The following PRR16 variants were observed in gnomAD, a reference collection of about 807,000 sequenced individuals.
The protein encoded by PRR16 is proline rich 16.
PRR16 carries 6 observed loss-of-function variants against 18.2 expected under a neutral mutation model. The ratio of observed to expected loss-of-function variants is 0.33; its 90% CI spans 0.18 to 0.65. PRR16 has a LOEUF of 0.65. Ranked by LOEUF, PRR16 falls within the 30% of genes least tolerant of loss-of-function variation. The probability of loss-of-function intolerance (pLI) is 0.74; values close to 1 mark genes in which losing one functional copy is unlikely to be tolerated. For synonymous variants in PRR16, 151 were observed against 147.8 expected (o/e 1.02, Z -0.16); for missense variants, 412 against 376.6 (o/e 1.09, Z -0.78).
intron 1 of PRR16, among the ~76,000 whole-genome samples, chr5:120,570,672 A>C (rs1343326996): frequency 6.6e-6 from 1 of 152,174 alleles, no homozygotes; most frequent in Non-Finnish European, 1.5e-5. Flanking sequence ...ACAATAGTGC[A>C]TTAAGTACTT....
chr5:120,570,847 A>G (rs1752883320), intron 1 of PRR16, among the ~76,000 whole-genome samples: 1 of 152,174 alleles, frequency 6.6e-6, no homozygotes, highest in Non-Finnish European at 1.5e-5. Context: ...AGGTTTAAAT[A>G]TATATAGTTT....
chr5:120,691,876 C>G (rs1202058751), downstream of PRR16, among the ~76,000 whole-genome samples: 1 of 152,194 alleles, frequency 6.6e-6, no homozygotes, highest in East Asian at 1.9e-4. Context: ...TCTAAACACT[C>G]TTCGAAGGGT....
intron 1 of PRR16, among the ~76,000 whole-genome samples, chr5:120,665,122 T>C (rs1211514567): frequency 1.6e-5 from 2 of 121,420 alleles, no homozygotes; most frequent in Non-Finnish European, 3.8e-5. Context: ...GCACCTGTTG[T>C]TTCCTGACTT....
intron 1 of PRR16, among the ~76,000 whole-genome samples, chr5:120,672,264 G>GTGTGTGTA (rs1240892747): frequency 1.3e-5 from 2 of 150,942 alleles, no homozygotes; most frequent in Non-Finnish European, 3.0e-5. Context: ...GTGTGTGTGT[G>GTGTGTGTA]TGTGTGTGTG....
chr5:120,565,676 A>G (rs2112725317), intron 1 of PRR16, among the ~76,000 whole-genome samples: 1 of 152,328 alleles, frequency 6.6e-6, no homozygotes, highest in East Asian at 1.9e-4. Flanking sequence ...AATACATGCT[A>G]CTAAAAGACT....
the PRR16 span, among the ~76,000 whole-genome samples, chr5:120,783,111 G>T: frequency 6.6e-6 from 1 of 152,054 alleles, no homozygotes. Context: ...AATCACAATT[G>T]CATTTTAGAA....
chr5:120,553,693 CG>C lies in PRR16; in HGVS notation c.159+89049del, dbSNP rs200627442. ...TACTAACACATACAGACATAATAAC[CG>C]TCTTTCATTCCGCAATTCTGATTGT... On this transcript the variant is annotated intron_variant, in intron 1 of 1. Transcript: ENST00000407149. 7.3e-3 allele frequency among the ~76,000 whole-genome samples: 1,104 copies of C among 151,878 alleles called. 16 individuals carry two copies. The highest frequency in any genetic ancestry group is 0.025 in the African/African-American group (1,021 of 41,492).
At chr5:120,602,530 T>C (rs566134301) in intron 1 of PRR16, among the ~76,000 whole-genome samples, 78 of 152,272 alleles carry the variant, frequency 5.1e-4, no homozygotes, top group African/African-American at 1.7e-3. Context: ...TTTGACTTCC[T>C]CTTTTCCTAT....
At chr5:120,780,173 C>T in the PRR16 span, among the ~76,000 whole-genome samples, 1 of 152,234 alleles carries the variant, frequency 6.6e-6, no homozygotes, top group South Asian at 2.1e-4. Context: ...TTATGAGCCC[C>T]AGACTCCAAA....
At chr5:120,656,456 G>T in intron 1 of PRR16, among the ~76,000 whole-genome samples, 1 of 118,720 alleles carries the variant, frequency 8.4e-6, no homozygotes, top group South Asian at 2.8e-4. Flanking sequence ...TCTAACAGTA[G>T]TAATCACTCT....
chr5:120,489,764 T>A (rs1487188334), intron 1 of PRR16, among the ~76,000 whole-genome samples: 1 of 152,190 alleles, frequency 6.6e-6, no homozygotes, highest in Non-Finnish European at 1.5e-5. Context: ...TCTTTACAAT[T>A]TGGCATGTTT....
intron 1 of PRR16, among the ~76,000 whole-genome samples, chr5:120,547,550 T>A (rs1452355992): frequency 6.7e-6 from 1 of 148,982 alleles, no homozygotes; most frequent in Non-Finnish European, 1.5e-5. Flanking sequence ...CTCATTTCGA[T>A]GCATTTTCAT....
intron 1 of PRR16, among the ~76,000 whole-genome samples, chr5:120,572,314 T>C (rs565359389): frequency 6.6e-6 from 1 of 152,272 alleles, no homozygotes; most frequent in East Asian, 1.9e-4. Flanking sequence ...AAGAAGTGGT[T>C]AAATTCCAGT....
chr5:120,785,289 C>G, the PRR16 span, among the ~76,000 whole-genome samples: 1 of 152,048 alleles, frequency 6.6e-6, no homozygotes, highest in East Asian at 1.9e-4. Flanking sequence ...GAGAGTTATC[C>G]TGGCTGACAC....
At position 120,645,965 on chromosome 5, in the gene PRR16, G is replaced by A. The variant is rs568568752; in HGVS notation, c.160-39989G>A. Among the ~76,000 whole-genome samples, 9 of 150,394 alleles carry A rather than the reference G, an allele frequency of 6.0e-5. No homozygotes were observed. The South Asian group carries it at 1.9e-3, about 32-fold the overall frequency. Reference sequence around the variant, plus strand: ...ATTGCCCAATATGAGGATCATAATTGATTGGAGCTGATCAATTGATCAATG... The same window carrying A: ...ATTGCCCAATATGAGGATCATAATTAATTGGAGCTGATCAATTGATCAATG... On this transcript the variant is annotated intron_variant, in intron 1 of 1. Coordinates refer to ENST00000407149, the MANE Select transcript of PRR16 (RefSeq NM_001300783.2).
At chr5:120,582,095 T>C (rs1385231705) in intron 1 of PRR16, among the ~76,000 whole-genome samples, 1 of 152,104 alleles carries the variant, frequency 6.6e-6, no homozygotes, top group African/African-American at 2.4e-5. Context: ...GAAAATGTGG[T>C]ATATATAAAA....
chr5:120,503,498 G>C (rs1274719982), intron 1 of PRR16, among the ~76,000 whole-genome samples: 2 of 152,088 alleles, frequency 1.3e-5, no homozygotes, highest in Non-Finnish European at 2.9e-5. Flanking sequence ...GAATTTTTCT[G>C]ACCTATTGTG....
chr5:120,589,170 C>G (rs889933534), intron 1 of PRR16, among the ~76,000 whole-genome samples: 1 of 152,002 alleles, frequency 6.6e-6, no homozygotes, highest in Non-Finnish European at 1.5e-5. Flanking sequence ...GCTCATTAAC[C>G]TGATTTTCAA....
the PRR16 span, among the ~76,000 whole-genome samples, chr5:120,732,773 T>A: frequency 6.6e-6 from 1 of 152,128 alleles, no homozygotes; most frequent in African/African-American, 2.4e-5. Flanking sequence ...CTGTTTGCAA[T>A]CTAGACCAGT....
Sources: gnomAD v4.1 joint callset for allele counts (sites outside exome capture counted in the v4.1 genomes callset) on GRCh38, gnomAD v4.1.1 for gene constraint, MANE v1.5 for transcripts, NCBI Gene and HGNC (gene_info 2026-07-23, HGNC 2026-07-21) for gene names.